The following PRRC2B variants were observed in gnomAD, a reference collection of about 807,000 sequenced individuals.
The protein encoded by PRRC2B is proline rich coiled-coil 2B.
In PRRC2B, 68 loss-of-function variants were observed where a neutral mutation model predicts 242.3. The observed-to-expected ratio is 0.28, with a 90% CI of 0.23 to 0.34. The LOEUF (loss-of-function observed/expected upper bound fraction) is 0.34, where lower values mean the gene tolerates loss of function less well. Among genes scored for constraint, PRRC2B ranks in the 10% least tolerant of loss-of-function variants. The pLI is 1.00. For missense variants in PRRC2B, 2,835 were observed against 2,954.8 expected, an observed-to-expected ratio of 0.96 and a Z score of 0.94; for synonymous variants, 1,228 against 1,173.6, an observed-to-expected ratio of 1.05 and a Z score of -0.95.
At chr9:131,397,928 G>A (rs1395369841) in intron 1 of PRRC2B, among the ~76,000 whole-genome samples, 1 of 152,140 alleles carries the variant, frequency 6.6e-6, no homozygotes, top group Non-Finnish European at 1.5e-5. Context: ...ATGTAAGGAG[G>A]CAGGGCTAAC....
rs1944415699 is a variant in PRRC2B at position 131,499,606 on chromosome 9, C to G, written c.*3732C>G. 6.6e-6 allele frequency: 1 copy of G among 152,206 alleles called. No individual in the cohort carries two copies. Among genetic ancestry groups the G allele is most frequent in the South Asian group, 2.1e-4 (1 of 4,834 alleles). The allele number at this position is 152,206 out of a possible 1,614,324, so 9.4% of individuals were successfully genotyped here. A position where few individuals can be genotyped will look rare whatever the true frequency, so the allele number is the denominator to read the frequency against. ...ATGGACGCTGTCGCCCAGCCATGCT[C>G]CACCAGGGCCACCAATGTGTAGTTG... On this transcript the variant is annotated 3_prime_UTR_variant, in exon 32 of 32. Coordinates refer to ENST00000683519, the MANE Select transcript of PRRC2B (RefSeq NM_013318.4).
intron 1 of PRRC2B, among the ~76,000 whole-genome samples, chr9:131,406,878 C>T (rs1230480010): frequency 6.6e-6 from 1 of 152,134 alleles, no homozygotes; most frequent in Non-Finnish European, 1.5e-5. Context: ...TTCCTTCTTC[C>T]CTGCTGTTTC....
At chr9:131,491,292 C>G in intron 28 of PRRC2B, 133 bp from the exon 29 acceptor site, 1 of 932,378 alleles carries the variant, frequency 1.1e-6, no homozygotes, top group East Asian at 2.8e-5. Flanking sequence ...AGAGCATGTC[C>G]TGCTTTATGC....
chr9:131,462,464 CG>C (rs1231140309), intron 11 of PRRC2B, among the ~76,000 whole-genome samples: 1 of 151,868 alleles, frequency 6.6e-6, no homozygotes, highest in Non-Finnish European at 1.5e-5. Flanking sequence ...CCACCTACCT[CG>C]GCCTCCCAAA....
chr9:131,373,746 C>A (rs1163917181), intron 1 of PRRC2B: 2 of 152,214 alleles, frequency 1.3e-5, no homozygotes, highest in African/African-American at 4.8e-5. Flanking sequence ...GCCGTCGTTT[C>A]TTTGCGTGGA....
At chr9:131,488,213 A>G in intron 28 of PRRC2B, 117 bp downstream of exon 28, 7 of 1,385,180 alleles carry the variant, frequency 5.1e-6, no homozygotes, top group Non-Finnish European at 6.7e-6. Flanking sequence ...GTTGGTAGCC[A>G]CCGTGCCCAT....
intron 1 of PRRC2B, among the ~76,000 whole-genome samples, chr9:131,382,604 G>A (rs1836775198): frequency 2.0e-5 from 3 of 151,740 alleles, no homozygotes; most frequent in Admixed American, 2.0e-4. Flanking sequence ...TGGTTCGTTC[G>A]GACCCAGTGT....
At chr9:131,429,506 T>C (rs1370603133) in intron 1 of PRRC2B, among the ~76,000 whole-genome samples, 4 of 152,246 alleles carry the variant, frequency 2.6e-5, no homozygotes, top group Admixed American at 6.5e-5. Context: ...GAGAGCCCTT[T>C]TGTTGCCTAA....
intron 1 of PRRC2B, among the ~76,000 whole-genome samples, chr9:131,400,490 G>C (rs1049755777): frequency 1.2e-4 from 18 of 151,900 alleles, no homozygotes; most frequent in East Asian, 1.9e-4. Context: ...GCTACTTTTT[G>C]TATTTTTAGT....
rs992869442 is a variant in PRRC2B, at chr9:131,477,788, G to A, written c.4451G>A (p.Ser1484Asn). 2 of 1,611,414 alleles carry A rather than the reference G, an allele frequency of 1.2e-6. No homozygotes were observed. The highest frequency in any genetic ancestry group is 1.3e-5 in the African/African-American group (1 of 75,030). Residue 1484 changes from serine to asparagine, a missense_variant, in exon 17 of 32, where the codon AGT becomes AAT. Around this residue, in one of 7 missense-constraint regions of PRRC2B, gnomAD observed 1,536 missense variants for 1,483.1 expected, o/e 1.04. Coordinates refer to ENST00000683519, the MANE Select transcript of PRRC2B (RefSeq NM_013318.4). ...ALPGGLSGCSSGSGHSPYALE... is the reference protein window; with the variant it reads ...ALPGGLSGCSNGSGHSPYALE... ...CCTGGAGGTCTTAGTGGCTGCAGCA[G>A]TGGGAGTGGCCACTCCCCCTATGCC...
At chr9:131,382,204 A>G (rs1836770655) in intron 1 of PRRC2B, among the ~76,000 whole-genome samples, 1 of 152,042 alleles carries the variant, frequency 6.6e-6, no homozygotes. Flanking sequence ...TTCAGTAGAG[A>G]CGGGGTTTCA....
In PRRC2B at chr9:131,482,612, C is replaced by T. The variant is rs755124264; in HGVS notation, c.5175+50C>T. 1.3e-6 allele frequency: 2 copies of T among 1,535,574 alleles called. No individual in the cohort carries two copies. Among genetic ancestry groups the T allele is most frequent in the South Asian group, 1.2e-5 (1 of 80,766 alleles). On this transcript the variant is annotated intron_variant, in intron 21 of 31. Transcript: ENST00000683519. This position sits in a 1 kb window ranked among gnomAD's most constrained non-coding sequence, Gnocchi z 5.2. ...TGGCCAGGGCCTGGGTGGAAGGGGC[C>T]ATCGTCTCATCATCTTCCTCAATTC... is the stretch of plus-strand genomic sequence containing the variant.
At chr9:131,456,499 T>C (rs781175398) in intron 10 of PRRC2B, among the ~76,000 whole-genome samples, 5 of 151,720 alleles carry the variant, frequency 3.3e-5, no homozygotes, top group African/African-American at 9.7e-5. Flanking sequence ...GGCATGGTGG[T>C]AGGTGCCTGT....
rs748994461 is a variant in PRRC2B at position 131,432,601 on chromosome 9, G to C, written c.116-16G>C. On this transcript the variant is annotated splice_polypyrimidine_tract_variant and intron_variant, in intron 2 of 31. Transcript: ENST00000683519. ...CCTTTTTGCATGGTGTCTGTTCCAT[G>C]TCCCTCTCCCTGCAGTTATTCCTAG... is the stretch of plus-strand genomic sequence containing the variant. The C allele has an allele frequency of 1.2e-6, 2 of 1,612,090 alleles. No individual in the cohort carries two copies. Among genetic ancestry groups the C allele is most frequent in the Non-Finnish European group, 1.7e-6 (2 of 1,178,890 alleles).
chr9:131,420,924 A>G (rs765352032), intron 1 of PRRC2B, among the ~76,000 whole-genome samples: 1 of 152,124 alleles, frequency 6.6e-6, no homozygotes, highest in Non-Finnish European at 1.5e-5. Context: ...ATATGCACAC[A>G]AGTTCATCAT....
At chr9:131,466,629 T>TTC (rs1425895951) in intron 12 of PRRC2B, among the ~76,000 whole-genome samples, 1 of 151,452 alleles carries the variant, frequency 6.6e-6, no homozygotes, top group African/African-American at 2.4e-5. Flanking sequence ...CAGTCCTTTT[T>TTC]TTTTTGCTGG....
Position 131,459,114 on chromosome 9 carries a change from A to G in PRRC2B, c.1212-50A>G, listed in dbSNP as rs752741138. 8.3e-6 allele frequency: 13 copies of G among 1,563,220 alleles called. No homozygotes were observed. The South Asian group carries it at 1.5e-4, about 18-fold the overall frequency. On this transcript the variant is annotated intron_variant, in intron 10 of 31. Coordinates refer to ENST00000683519, the MANE Select transcript of PRRC2B (RefSeq NM_013318.4). ...AAGGCCTCTGACCAGTGAGATCAGA[A>G]ATGCTTGGCCTGAGTGCAAAAACTT...
chr9:131,421,607 C>T (rs1837844975), intron 1 of PRRC2B, among the ~76,000 whole-genome samples: 1 of 152,230 alleles, frequency 6.6e-6, no homozygotes, highest in Non-Finnish European at 1.5e-5. Context: ...CCCCCAGCCT[C>T]ACGGCCAGGG....
intron 1 of PRRC2B, among the ~76,000 whole-genome samples, chr9:131,395,270 T>C (rs936857600): frequency 6.6e-6 from 1 of 150,458 alleles, no homozygotes; most frequent in Non-Finnish European, 1.5e-5. Context: ...TTCCCTAAGA[T>C]TTTTTTTTTC....
Sources: gnomAD v4.1 joint callset for allele counts (sites outside exome capture counted in the v4.1 genomes callset) on GRCh38, gnomAD v4.1.1 for gene constraint, gnomAD v4.1.1 regional missense constraint, Gnocchi (gnomAD v3.1) non-coding constraint, MANE v1.5 for transcripts, NCBI Gene and HGNC (gene_info 2026-07-23, HGNC 2026-07-21) for gene names.